POU6F2: variants seen among roughly 807,000 people sequenced by gnomAD.
POU6F2 encodes the protein POU domain, class 6, transcription factor 2.
POU6F2 carries 31 observed loss-of-function variants against 71.3 expected under a neutral mutation model. That is an observed-to-expected ratio of 0.43 (90% CI 0.33 to 0.59). The LOEUF (loss-of-function observed/expected upper bound fraction) is 0.59, where lower values mean the gene tolerates loss of function less well. POU6F2 is among the 20% of genes least tolerant of loss of function. The probability of loss-of-function intolerance (pLI) is 0.04; values close to 1 mark genes in which losing one functional copy is unlikely to be tolerated. For synonymous variants in POU6F2, 347 were observed against 355.7 expected (o/e 0.98, Z 0.27); for missense variants, 783 against 856.8 (o/e 0.91, Z 1.07).
chr7:39,313,687 T>C (rs1278417987), intron 4 of POU6F2, among the ~76,000 whole-genome samples: 6 of 152,146 alleles, frequency 3.9e-5, no homozygotes, highest in Non-Finnish European at 8.8e-5. Flanking sequence ...CCAAATCTTA[T>C]CAGGACAATC....
intron 1 of POU6F2, among the ~76,000 whole-genome samples, chr7:38,985,398 T>G (rs1788438340): frequency 1.3e-5 from 2 of 152,116 alleles, no homozygotes; most frequent in Admixed American, 6.6e-5. Context: ...CAGGGCGAAC[T>G]CTGGTCTTTG....
Position 39,100,499 on chromosome 7 carries a change from T to C in POU6F2, c.277+14468T>C, listed in dbSNP as rs139399200. Among the ~76,000 whole-genome samples the C allele has an allele frequency of 3.3e-3, 505 of 152,336 alleles. 4 individuals carry two copies. The highest frequency in any genetic ancestry group is 6.8e-3 in the Middle Eastern group (2 of 294). ...GCAACCCCACACATTTTTAATTACA[T>C]ATTCATGCCCTATGCTCATTTCTTA... On this transcript the variant is annotated intron_variant, in intron 2 of 9. Coordinates refer to ENST00000518318, the MANE Select transcript of POU6F2 (RefSeq NM_001370959.1).
intron 7 of POU6F2, among the ~76,000 whole-genome samples, chr7:39,442,895 A>G (rs1203649630): frequency 3.9e-5 from 6 of 152,206 alleles, no homozygotes; most frequent in African/African-American, 1.4e-4. Context: ...AGTGTGGGTG[A>G]TAGACTACAG....
chr7:39,458,660 G>GA (rs1003864081), intron 8 of POU6F2, among the ~76,000 whole-genome samples: 43 of 152,000 alleles, frequency 2.8e-4, no homozygotes, highest in African/African-American at 8.9e-4. Context: ...AGTTTTGGGA[G>GA]AAAAAAACAG....
intron 2 of POU6F2, among the ~76,000 whole-genome samples, chr7:39,133,407 A>G (rs1179501501): frequency 6.6e-6 from 1 of 152,244 alleles, no homozygotes; most frequent in African/African-American, 2.4e-5. Flanking sequence ...GGGCTGTGTC[A>G]GTGTCTTATC....
In POU6F2 at chr7:39,345,914, G is replaced by A; in HGVS notation, c.972+5899G>A. Among the ~76,000 whole-genome samples the A allele has an allele frequency of 1.3e-5, 2 of 152,134 alleles. 1 individual carries two copies. Among genetic ancestry groups the A allele is most frequent in the Non-Finnish European group, 2.9e-5 (2 of 68,022 alleles). ...TATAAAAGAGTATGAATTTATTTCT[G>A]TTTATACTACCTTCCAGAAAATTGA... is the stretch of plus-strand genomic sequence containing the variant. On this transcript the variant is annotated intron_variant, in intron 5 of 9. Coordinates refer to ENST00000518318, the MANE Select transcript of POU6F2 (RefSeq NM_001370959.1).
At chr7:39,083,026 G>A (rs1485978104) in intron 1 of POU6F2, among the ~76,000 whole-genome samples, 2 of 152,164 alleles carry the variant, frequency 1.3e-5, no homozygotes, top group East Asian at 1.9e-4. Flanking sequence ...CTAATGGTCA[G>A]TGAACATATA....
chr7:39,403,919 C>T (rs969807062), intron 5 of POU6F2, among the ~76,000 whole-genome samples: 5 of 152,234 alleles, frequency 3.3e-5, no homozygotes, highest in Admixed American at 3.3e-4. Flanking sequence ...CACCACACTC[C>T]GTGACTGTGG....
intron 2 of POU6F2, among the ~76,000 whole-genome samples, chr7:39,147,257 C>T (rs1423076235): frequency 6.6e-6 from 1 of 151,972 alleles, no homozygotes; most frequent in Non-Finnish European, 1.5e-5. Flanking sequence ...TGGCAAAAAC[C>T]ACAATTACTT....
chr7:39,269,800 G>A (rs1289155909), intron 4 of POU6F2, among the ~76,000 whole-genome samples: 2 of 152,120 alleles, frequency 1.3e-5, no homozygotes, highest in Non-Finnish European at 2.9e-5. Context: ...GAAAAATGTG[G>A]CATCACAGTG....
chr7:38,980,843 A>G (rs1788298302), intron 1 of POU6F2, among the ~76,000 whole-genome samples: 1 of 152,178 alleles, frequency 6.6e-6, no homozygotes, highest in South Asian at 2.1e-4. Flanking sequence ...CTAGGATGAA[A>G]TATCCACAGT....
intron 4 of POU6F2, among the ~76,000 whole-genome samples, chr7:39,335,075 A>G (rs373526989): frequency 6.6e-6 from 1 of 152,242 alleles, no homozygotes; most frequent in East Asian, 1.9e-4. Context: ...GCCTGAGCAC[A>G]GAGCTGCTGC....
chr7:38,999,361 C>T (rs1266743888), intron 1 of POU6F2, among the ~76,000 whole-genome samples: 1 of 152,118 alleles, frequency 6.6e-6, no homozygotes, highest in African/African-American at 2.4e-5. Flanking sequence ...TATGAATGCA[C>T]AGGGTTTTCA....
At chr7:39,031,392 T>C (rs1584508992) in intron 1 of POU6F2, among the ~76,000 whole-genome samples, 2 of 152,232 alleles carry the variant, frequency 1.3e-5, no homozygotes, top group African/African-American at 4.8e-5. Flanking sequence ...TTGATACTAA[T>C]GCTTTTCAAA....
intron 4 of POU6F2, among the ~76,000 whole-genome samples, chr7:39,289,795 A>G (rs1784717029): frequency 1.3e-5 from 2 of 152,202 alleles, no homozygotes; most frequent in African/African-American, 4.8e-5. Context: ...ATTTTCAGTC[A>G]GAGATGTTAC....
chr7:39,044,523 A>AT (rs1790251251), intron 1 of POU6F2, among the ~76,000 whole-genome samples: 1 of 151,976 alleles, frequency 6.6e-6, no homozygotes, highest in Non-Finnish European at 1.5e-5. Flanking sequence ...TTAAAATTAA[A>AT]AGACGTTGTT....
rs117114960 is a variant in POU6F2, at chr7:39,145,382, C to T, written c.278-58853C>T. The stretch of plus-strand genomic sequence containing the variant: ...GAGAGAGAACCAGATCACACAGTTT[C>T]GACCAGTGTATGCCATTTATTATAA... On this transcript the variant is annotated intron_variant, in intron 2 of 9. Coordinates refer to ENST00000518318, the MANE Select transcript of POU6F2 (RefSeq NM_001370959.1). Among the ~76,000 whole-genome samples, 7 of 152,278 alleles carry T rather than the reference C, an allele frequency of 4.6e-5. No individual in the cohort carries two copies. The East Asian group carries it at 9.6e-4, about 21-fold the overall frequency.
At chr7:39,111,261 G>T (rs987835727) in intron 2 of POU6F2, among the ~76,000 whole-genome samples, 1 of 152,108 alleles carries the variant, frequency 6.6e-6, no homozygotes, top group African/African-American at 2.4e-5. Context: ...ATAATTTTTT[G>T]ACCTCAGAAA....
At chr7:39,241,702 T>G (rs1309975956) in intron 4 of POU6F2, among the ~76,000 whole-genome samples, 1 of 152,152 alleles carries the variant, frequency 6.6e-6, no homozygotes, top group Non-Finnish European at 1.5e-5. Context: ...GCTCTTTGAT[T>G]AGGCCTTATT....
Sources: allele counts gnomAD v4.1 joint callset (sites outside exome capture counted in the v4.1 genomes callset), GRCh38; gene constraint gnomAD v4.1.1; transcripts MANE v1.5; gene names NCBI Gene and HGNC (gene_info 2026-07-23, HGNC 2026-07-21).